The following HTR2C variants were observed in gnomAD, a reference collection of about 807,000 sequenced individuals.
The protein encoded by HTR2C is 5-hydroxytryptamine receptor 2C, also known as 5-hydroxytryptamine (serotonin) receptor 2C, G protein-coupled.
In HTR2C, 5 loss-of-function variants were observed where a neutral mutation model predicts 21.0. That is an observed-to-expected ratio of 0.24 (90% CI 0.12 to 0.50). The LOEUF (loss-of-function observed/expected upper bound fraction) is 0.50, where lower values mean the gene tolerates loss of function less well. Among genes scored for constraint, HTR2C ranks in the 20% least tolerant of loss-of-function variants. HTR2C has a pLI of 0.98. For synonymous variants in HTR2C, 150 were observed against 145.3 expected, an observed-to-expected ratio of 1.03 and a Z score of -0.23; for missense variants, 271 against 371.2, an observed-to-expected ratio of 0.73 and a Z score of 2.22.
intron 5 of HTR2C, among the ~76,000 whole-genome samples, chrX:114,853,352 T>C (rs964206129): frequency 4.5e-5 from 5 of 111,935 alleles, no homozygotes; most frequent in Non-Finnish European, 9.4e-5. Context: ...TATTTTGCCA[T>C]ACAAAATTAT....
At chrX:114,675,009 T>C (rs1284064974) in intron 2 of HTR2C, among the ~76,000 whole-genome samples, 2 of 112,524 alleles carry the variant, frequency 1.8e-5, no homozygotes, top group African/African-American at 3.2e-5. Context: ...TGATTAGAGC[T>C]AAATGTCTCA....
chrX:114,833,782 A>T (rs1284634309), intron 4 of HTR2C, among the ~76,000 whole-genome samples: 2 of 110,526 alleles, frequency 1.8e-5, no homozygotes, highest in African/African-American at 3.3e-5. Context: ...AGTTCTTTCA[A>T]TTGTGATGTT....
chrX:114,776,147 AG>A (rs2070054608), intron 4 of HTR2C: 2 of 527,520 alleles, frequency 3.8e-6, no homozygotes, highest in South Asian at 5.0e-5. Context: ...CTGAATAATG[AG>A]GATTGACACA....
At chrX:114,789,628 C>G (rs2070211768) in intron 4 of HTR2C, among the ~76,000 whole-genome samples, 1 of 111,063 alleles carries the variant, frequency 9.0e-6, no homozygotes, top group Admixed American at 9.6e-5. Context: ...GGGCTTTGAG[C>G]TTAGAACATA....
intron 2 of HTR2C, among the ~76,000 whole-genome samples, chrX:114,670,166 G>A (rs1036314842): frequency 3.6e-5 from 4 of 111,622 alleles, no homozygotes; most frequent in African/African-American, 1.3e-4. Context: ...GCCGAGGCAG[G>A]TGGATCATCC....
intron 4 of HTR2C, among the ~76,000 whole-genome samples, chrX:114,746,004 C>T (rs2069699889): frequency 8.9e-6 from 1 of 111,941 alleles, no homozygotes; most frequent in South Asian, 3.7e-4. Flanking sequence ...CTTGAGGGGA[C>T]AGATATCCCA....
intron 2 of HTR2C, among the ~76,000 whole-genome samples, chrX:114,720,609 G>A (rs1375533081): frequency 3.2e-5 from 3 of 93,337 alleles, no homozygotes; most frequent in Admixed American, 1.2e-4. Flanking sequence ...CTGGTGTGCT[G>A]CACCCACTAA....
chrX:114,875,213 T>C (rs782421729), intron 5 of HTR2C, among the ~76,000 whole-genome samples: 1 of 111,368 alleles, frequency 9.0e-6, no homozygotes, highest in East Asian at 2.9e-4. Flanking sequence ...CATGGCCTAA[T>C]CATTTCCCAA....
chrX:114,854,260 A>G (rs2070941303), intron 5 of HTR2C, among the ~76,000 whole-genome samples: 1 of 111,788 alleles, frequency 8.9e-6, no homozygotes, highest in African/African-American at 3.2e-5. Flanking sequence ...CTTTGAAATT[A>G]AAATTGAAAT....
At chrX:114,761,488 C>A (rs1049241160) in intron 4 of HTR2C, among the ~76,000 whole-genome samples, 21 of 111,327 alleles carry the variant, frequency 1.9e-4, no homozygotes, top group African/African-American at 6.5e-4. Flanking sequence ...ACAATCAACC[C>A]ATTTCATCTT....
intron 5 of HTR2C, among the ~76,000 whole-genome samples, chrX:114,876,967 G>C (rs1158304036): frequency 9.0e-6 from 1 of 111,258 alleles, no homozygotes; most frequent in Non-Finnish European, 1.9e-5. Context: ...TGTAAAATGA[G>C]CTTAGAAGTG....
Position 114,623,477 on chromosome X carries a change from C to G in HTR2C, c.-80+9596C>G, listed in dbSNP as rs73222941. On this transcript the variant is annotated intron_variant, in intron 2 of 5. Coordinates refer to ENST00000276198, the MANE Select transcript of HTR2C (RefSeq NM_000868.4). ...ACTTAAAGTTTCTGGCATACAGAAGCCACTTAGTCAATGTTAAAACCGTAT... is the reference window on the plus strand; with the variant it reads ...ACTTAAAGTTTCTGGCATACAGAAGGCACTTAGTCAATGTTAAAACCGTAT... 7.8e-3 allele frequency among the ~76,000 whole-genome samples: 877 copies of G among 112,187 alleles called. 7 individuals are homozygous for G. Among genetic ancestry groups the G allele is most frequent in the Middle Eastern group, 0.037 (8 of 215 alleles).
At chrX:114,735,894 C>T (rs921108582) in intron 4 of HTR2C, among the ~76,000 whole-genome samples, 2 of 110,839 alleles carry the variant, frequency 1.8e-5, no homozygotes, top group Non-Finnish European at 1.9e-5. Flanking sequence ...GGGCAGATCA[C>T]GAGGTCAGGA....
chrX:114,648,998 TTGA>T (rs1167517147), intron 2 of HTR2C, among the ~76,000 whole-genome samples: 4 of 111,814 alleles, frequency 3.6e-5, no homozygotes, highest in Non-Finnish European at 7.5e-5. Flanking sequence ...TGATAATTTA[TTGA>T]TTGCCTACTG....
At chrX:114,597,283 A>T (rs901361108) in intron 1 of HTR2C, among the ~76,000 whole-genome samples, 5 of 110,454 alleles carry the variant, frequency 4.5e-5, no homozygotes, top group African/African-American at 1.6e-4. Context: ...CCGACATTGT[A>T]AAAAACACAT....
chrX:114,610,167 C>T (rs1229369370), intron 1 of HTR2C, among the ~76,000 whole-genome samples: 5 of 111,491 alleles, frequency 4.5e-5, no homozygotes, highest in Non-Finnish European at 5.7e-5. Flanking sequence ...CCATGAATAT[C>T]GAAAAGAGTG....
chrX:114,607,070 C>G (rs368484657), intron 1 of HTR2C, among the ~76,000 whole-genome samples: 3,176 of 104,827 alleles, frequency 0.03, 82 homozygotes, highest in Non-Finnish European at 0.042. Context: ...AATGTTATCA[C>G]TTAAGGCAAG....
intron 2 of HTR2C, among the ~76,000 whole-genome samples, chrX:114,724,737 C>T (rs1933379773): frequency 9.3e-6 from 1 of 107,185 alleles, no homozygotes; most frequent in Admixed American, 1.0e-4. Flanking sequence ...TCAGCATTTG[C>T]TTGCCTGTAA....
At chrX:114,805,942 T>TATATATATACACCATATATATACC (rs1556449098) in intron 4 of HTR2C, among the ~76,000 whole-genome samples, 5 of 85,900 alleles carry the variant, frequency 5.8e-5, no homozygotes, top group African/African-American at 2.2e-4. Context: ...ATATATACCA[T>TATATATATACACCATATATATACC]ATATATATAC....
Sources: gnomAD v4.1 joint callset for allele counts (sites outside exome capture counted in the v4.1 genomes callset) on GRCh38, gnomAD v4.1.1 for gene constraint, MANE v1.5 for transcripts, NCBI Gene and HGNC (gene_info 2026-07-23, HGNC 2026-07-21) for gene names.